The following SLC19A2 variants were observed in gnomAD, a reference collection of about 807,000 sequenced individuals.
SLC19A2 encodes thiamine transporter 1.
In SLC19A2, 27 loss-of-function variants were observed where a neutral mutation model predicts 44.7. That is an observed-to-expected ratio of 0.60 (90% CI 0.45 to 0.83). The LOEUF (loss-of-function observed/expected upper bound fraction) is 0.83, where lower values mean the gene tolerates loss of function less well. SLC19A2 is among the 40% of genes least tolerant of loss of function. The pLI is 0.00. For missense variants in SLC19A2, 566 were observed against 613.7 expected, an observed-to-expected ratio of 0.92 and a Z score of 0.82; for synonymous variants, 239 against 243.6, an observed-to-expected ratio of 0.98 and a Z score of 0.18.
At position 169,485,666 on chromosome 1, in the gene SLC19A2, G is replaced by C; in HGVS notation, c.101C>G (p.Thr34Ser). ...RVRRECWFLP[T>S]ALLCAYGFFA... ...GAAGCCGTAGGCGCAGAGCAGCGCGGTCGGCAAGAACCAGCATTCGCGACG... is the reference window on the plus strand; with the variant it reads ...GAAGCCGTAGGCGCAGAGCAGCGCGCTCGGCAAGAACCAGCATTCGCGACG... Residue 34 changes from threonine to serine, a missense_variant, in exon 1 of 6, where the codon ACC becomes AGC. By Grantham distance (58) the Thr-to-Ser change is moderately conservative. Coordinates refer to ENST00000236137, the MANE Select transcript of SLC19A2 (RefSeq NM_006996.3). 2 of 1,552,846 alleles carry C rather than the reference G, an allele frequency of 1.3e-6. No homozygotes were observed. Among genetic ancestry groups the C allele is most frequent in the Non-Finnish European group, 8.7e-7 (1 of 1,148,404 alleles).
At chr1:169,480,250 T>G (rs1481050879) in intron 1 of SLC19A2, among the ~76,000 whole-genome samples, 1 of 152,218 alleles carries the variant, frequency 6.6e-6, no homozygotes, top group South Asian at 2.1e-4. Context: ...AGATTTCCAG[T>G]TGTGTTCTAA....
At chr1:169,466,780 A>G (rs1406434752) in intron 5 of SLC19A2, among the ~76,000 whole-genome samples, 1 of 151,788 alleles carries the variant, frequency 6.6e-6, no homozygotes, top group Non-Finnish European at 1.5e-5. Flanking sequence ...GAGAACATGC[A>G]GTGTTTGGTT....
rs1485046909 is a variant in SLC19A2, at chr1:169,465,978, C to T, written c.1366-1G>A. ...CAAAATAACTGGCATAGATCAAAAA[C>T]TAGAAGGGGGAAAAGCAGTTTATTG... On this transcript the variant is annotated splice_acceptor_variant, in intron 5 of 5. Transcript: ENST00000236137. LOFTEE classifies it high-confidence loss of function. 6.2e-7 allele frequency: 1 copy of T among 1,613,954 alleles called. No homozygotes were observed. Among genetic ancestry groups the T allele is most frequent in the Non-Finnish European group, 8.5e-7 (1 of 1,179,896 alleles).
At chr1:169,466,067 CA>C in intron 5 of SLC19A2, 90 bp from the exon 6 acceptor site, 2 of 1,498,076 alleles carry the variant, frequency 1.3e-6, no homozygotes, top group Non-Finnish European at 1.8e-6. Flanking sequence ...CATAAAGCCT[CA>C]AAAAATATTG....
Position 169,485,716 on chromosome 1 carries a change from A to T in SLC19A2, c.51T>A (p.Thr17=). ...GGACCCGAGCGGTCCGCAGGAGCAC[A>T]GTGGCCGCCGCCGCCGCCGCCCGCC... The part of the protein sequence containing the change: ...VSRRAAAAAA[T]VLLRTARVRR... Residue 17 remains threonine (T), a synonymous_variant, in exon 1 of 6, where the codon ACT becomes ACA. Transcript: ENST00000236137. The T allele has an allele frequency of 5.8e-6, 9 of 1,538,824 alleles. No homozygotes were observed. The highest frequency in any genetic ancestry group is 7.9e-6 in the Non-Finnish European group (9 of 1,145,542).
chr1:169,469,074 G>A, intron 3 of SLC19A2: 1 of 519,164 alleles, frequency 1.9e-6, no homozygotes, highest in Non-Finnish European at 3.4e-6. Flanking sequence ...TGAAAATGCA[G>A]GACAAAGACA....
chr1:169,469,819 C>T lies in SLC19A2; in HGVS notation c.1030+145G>A, dbSNP rs564352515. The T allele has an allele frequency of 1.0e-5, 8 of 789,424 alleles. No individual in the cohort carries two copies. In the South Asian group the frequency reaches 1.2e-4, roughly 12 times the overall value. 48.9% of individuals were successfully genotyped at this position (789,424 alleles called of 1,614,324 possible). A position where few individuals can be genotyped will look rare whatever the true frequency, so the allele number is the denominator to read the frequency against. Reference sequence around the variant, plus strand: ...CACTTGAGTACTTCTAAGTTGTCCTCCTAAATTGTAAAATCTAGCTCAAAA... The same window carrying T: ...CACTTGAGTACTTCTAAGTTGTCCTTCTAAATTGTAAAATCTAGCTCAAAA... On this transcript the variant is annotated intron_variant, in intron 3 of 5. Coordinates refer to ENST00000236137, the MANE Select transcript of SLC19A2 (RefSeq NM_006996.3).
intron 1 of SLC19A2, among the ~76,000 whole-genome samples, chr1:169,483,311 T>C (rs551624061): frequency 6.6e-6 from 1 of 152,214 alleles, no homozygotes; most frequent in Middle Eastern, 3.4e-3. Context: ...AATCATGTAA[T>C]TTTTTTTATT....
intron 3 of SLC19A2, chr1:169,469,039 T>C (rs1658104435): frequency 1.7e-6 from 1 of 579,996 alleles, no homozygotes; most frequent in Non-Finnish European, 3.0e-6. Flanking sequence ...GATGACAGAC[T>C]GAATTAGGAG....
At chr1:169,467,256 C>G (rs544916526) in intron 5 of SLC19A2, among the ~76,000 whole-genome samples, 1 of 152,288 alleles carries the variant, frequency 6.6e-6, no homozygotes, top group African/African-American at 2.4e-5. Flanking sequence ...TGGAACACTA[C>G]TAGTGATGGT....
chr1:169,481,045 C>T (rs574013118), intron 1 of SLC19A2, among the ~76,000 whole-genome samples: 1 of 152,296 alleles, frequency 6.6e-6, no homozygotes, highest in South Asian at 2.1e-4. Context: ...GATAGTTTCT[C>T]TTTAACTTAT....
At chr1:169,484,630 T>A (rs1243225902) in intron 1 of SLC19A2, among the ~76,000 whole-genome samples, 1 of 152,230 alleles carries the variant, frequency 6.6e-6, no homozygotes, top group Non-Finnish European at 1.5e-5. Flanking sequence ...TCTTTCTCAG[T>A]TTATATATTG....
At position 169,477,235 on chromosome 1, in the gene SLC19A2, C is replaced by T. The variant is rs1220336932; in HGVS notation, c.727G>A (p.Ala243Thr). The T allele has an allele frequency of 4.3e-6, 7 of 1,614,012 alleles. No individual in the cohort carries two copies. Among genetic ancestry groups the T allele is most frequent in the Non-Finnish European group, 5.9e-6 (7 of 1,180,026 alleles). The change falls in exon 2 of 6, where the codon GCT becomes ACT. Residue 243 changes from alanine to threonine, a missense_variant. Physicochemically the swap from Ala to Thr is moderately conservative, Grantham distance 58. Coordinates refer to ENST00000236137, the MANE Select transcript of SLC19A2 (RefSeq NM_006996.3). ...QNGGIVTDTP[A>T]SNHLPGWEDI... Reference sequence around the variant, plus strand: ...TCCCAGCCAGGAAGGTGGTTAGAAGCTGGGGTGTCAGTAACAATGCCACCA... The same window carrying T: ...TCCCAGCCAGGAAGGTGGTTAGAAGTTGGGGTGTCAGTAACAATGCCACCA...
chr1:169,482,948 G>C (rs1028580513), intron 1 of SLC19A2, among the ~76,000 whole-genome samples: 1 of 152,126 alleles, frequency 6.6e-6, no homozygotes, highest in Non-Finnish European at 1.5e-5. Flanking sequence ...AAGAAAGGTA[G>C]TAAATGTCTG....
At position 169,477,363 on chromosome 1, in the gene SLC19A2, A is replaced by C; in HGVS notation, c.599T>G (p.Val200Gly). The C allele has an allele frequency of 6.2e-7, 1 of 1,614,222 alleles. No individual in the cohort carries two copies. The highest frequency in any genetic ancestry group is 2.2e-5 in the East Asian group (1 of 44,886). The part of the protein sequence containing the change: ...LNVISLTCVS[V>G]AFAVAWFLPM... ...TAAAAACCAGGCCACAGCAAAAGCC[A>C]CTGAAACACAGGTAAGAGAGATGAC... The change falls in exon 2 of 6, where the codon GTG becomes GGG. Residue 200 changes from valine to glycine, a missense_variant. Transcript: ENST00000236137.
chr1:169,485,956 C>A, upstream of SLC19A2: 1 of 671,614 alleles, frequency 1.5e-6, no homozygotes, highest in African/African-American at 1.8e-5. Flanking sequence ...GGGTCGCTGC[C>A]TGATCGCCCA....
intron 1 of SLC19A2, among the ~76,000 whole-genome samples, chr1:169,482,725 G>A (rs1658468606): frequency 6.6e-6 from 1 of 152,180 alleles, no homozygotes; most frequent in Non-Finnish European, 1.5e-5. Context: ...ATTATTCCAA[G>A]AAGAGAATAA....
rs1430758218 is a variant in SLC19A2 at position 169,485,815 on chromosome 1, TCCG to T, written c.-52_-50del. The T allele has an allele frequency of 6.7e-7, 1 of 1,494,180 alleles. No homozygotes were observed. 92.6% of individuals were successfully genotyped at this position (1,494,180 alleles called of 1,614,324 possible). A position where few individuals can be genotyped will look rare whatever the true frequency, so the allele number is the denominator to read the frequency against. On this transcript the variant is annotated 5_prime_UTR_variant, in exon 1 of 6. Coordinates refer to ENST00000236137, the MANE Select transcript of SLC19A2 (RefSeq NM_006996.3). The stretch of plus-strand genomic sequence containing the variant: ...CGGCCCGGCCCCTTCCTTCTCCTCC[TCCG>T]CCAACTGGAGTGAGGGTCAGGCACT...
chr1:169,466,999 A>T (rs768922756), intron 5 of SLC19A2, among the ~76,000 whole-genome samples: 125 of 152,140 alleles, frequency 8.2e-4, no homozygotes, highest in Non-Finnish European at 1.7e-3. Flanking sequence ...GGAAGCCATT[A>T]ATCAATCATG....
Sources: gnomAD v4.1 joint callset for allele counts (sites outside exome capture counted in the v4.1 genomes callset) on GRCh38, gnomAD v4.1.1 for gene constraint, MANE v1.5 for transcripts, NCBI Gene and HGNC (gene_info 2026-07-23, HGNC 2026-07-21) for gene names.